The following KANSL1 variants were observed in gnomAD, a reference collection of about 807,000 sequenced individuals.
KANSL1 encodes the protein KAT8 regulatory NSL complex subunit 1, also known as MLL1/MLL complex subunit KANSL1.
KANSL1 carries 22 observed loss-of-function variants against 103.6 expected under a neutral mutation model. The ratio of observed to expected loss-of-function variants is 0.21; its 90% CI spans 0.15 to 0.30. KANSL1 has a LOEUF of 0.30. Among genes scored for constraint, KANSL1 ranks in the 10% least tolerant of loss-of-function variants. KANSL1 has a pLI of 1.00. For missense variants in KANSL1, 1,337 were observed against 1,399.8 expected, an observed-to-expected ratio of 0.96 and a Z score of 0.72; for synonymous variants, 600 against 527.6, an observed-to-expected ratio of 1.14 and a Z score of -1.88.
intron 3 of KANSL1, among the ~76,000 whole-genome samples, chr17:46,085,708 T>G (rs148136100): frequency 6.6e-6 from 1 of 152,274 alleles, no homozygotes; most frequent in African/African-American, 2.4e-5. Flanking sequence ...CTCAGGCTGG[T>G]CTCGAACTCT....
At position 46,211,067 on chromosome 17, in the gene KANSL1, C is replaced by T. The variant is rs148113666; in HGVS notation, c.-90+12604G>A. The stretch of plus-strand genomic sequence containing the variant: ...GATATGAGTGTTAAAAAATTACATG[C>T]GAGGAAATGGCAGGTATGTTACAGC... On this transcript the variant is annotated intron_variant, in intron 1 of 14. Transcript: ENST00000572904. 2.7e-4 allele frequency among the ~76,000 whole-genome samples: 41 copies of T among 151,740 alleles called. No individual in the cohort carries two copies. The East Asian group carries it at 7.2e-3, about 27-fold the overall frequency.
chr17:46,073,419 G>A (rs1047646165), intron 4 of KANSL1, among the ~76,000 whole-genome samples: 15 of 152,118 alleles, frequency 9.9e-5, no homozygotes, highest in South Asian at 6.2e-4. Context: ...CCTCCTTAAC[G>A]TCAAATCTAG....
upstream of KANSL1, chr17:46,193,679 A>G: frequency 3.3e-6 from 1 of 303,430 alleles, no homozygotes; most frequent in South Asian, 2.3e-5. Flanking sequence ...GCTGCCCCGG[A>G]CGTGCGGCGA....
chr17:46,180,693 AAAAC>A (rs550658454), intron 1 of KANSL1, among the ~76,000 whole-genome samples: 102 of 152,024 alleles, frequency 6.7e-4, no homozygotes, highest in African/African-American at 9.7e-4. Flanking sequence ...CTCAAAAACA[AAAAC>A]AAACAAACAA....
intron 2 of KANSL1, among the ~76,000 whole-genome samples, chr17:46,147,500 G>A (rs2044775470): frequency 6.7e-6 from 1 of 150,172 alleles, no homozygotes; most frequent in Admixed American, 6.7e-5. Context: ...CTTGAGACTA[G>A]GAGGCAGAGG....
At chr17:46,062,093 AAAAAAAAAAAAAAAAACAAACAAAC>A (rs1299038552) in intron 6 of KANSL1, among the ~76,000 whole-genome samples, 181 of 30,712 alleles carry the variant, frequency 5.9e-3, no homozygotes, top group Non-Finnish European at 0.01. Context: ...CTCCGACTCA[AAAAAAAAAAAAAAAAACAAACAAAC>A]AAAAAAAAAA....
intron 3 of KANSL1, among the ~76,000 whole-genome samples, chr17:46,088,849 A>G (rs2079265757): frequency 6.6e-6 from 1 of 152,234 alleles, no homozygotes; most frequent in Non-Finnish European, 1.5e-5. Context: ...TGATCTGGCC[A>G]TTGCACCTCA....
At chr17:46,130,634 T>C (rs901724709) in intron 2 of KANSL1, among the ~76,000 whole-genome samples, 11 of 152,212 alleles carry the variant, frequency 7.2e-5, no homozygotes, top group African/African-American at 9.7e-5. Flanking sequence ...AACCGAACAC[T>C]ACAATAGCAA....
In KANSL1 at chr17:46,050,586, T is replaced by C; in HGVS notation, c.1967A>G (p.Glu656Gly). 1 of 1,614,172 alleles carries C rather than the reference T, an allele frequency of 6.2e-7. No homozygotes were observed. The highest frequency in any genetic ancestry group is 8.5e-7 in the Non-Finnish European group (1 of 1,180,016). ...PEIHYEAPLLERLSQLDSCVH... is the reference protein window; with the variant it reads ...PEIHYEAPLLGRLSQLDSCVH... Reference sequence around the variant, plus strand: ...ACAAGAGTCCAACTGGGAAAGACGTTCCAACAGAGGGGCTTCATAGTGAAT... The same window carrying C: ...ACAAGAGTCCAACTGGGAAAGACGTCCCAACAGAGGGGCTTCATAGTGAAT... Residue 656 changes from glutamate (E) to glycine (G), a missense_variant, in exon 7 of 15, where the codon GAA (glutamate) becomes GGA (glycine). Around this residue, in one of 2 missense-constraint regions of KANSL1, gnomAD observed 780 missense variants for 923.4 expected, o/e 0.84. Transcript: ENST00000432791.
chr17:46,172,717 T>A lies in KANSL1; in HGVS notation c.-89-485A>T, dbSNP rs139034334. ...TTCTGGCCAGGGAATCCAGTTTTCATCAGCTTCTCACTTCTCTAGAAGTAT... is the reference window on the plus strand; with the variant it reads ...TTCTGGCCAGGGAATCCAGTTTTCAACAGCTTCTCACTTCTCTAGAAGTAT... On this transcript the variant is annotated intron_variant, in intron 1 of 14. Coordinates refer to ENST00000432791, the MANE Select transcript of KANSL1 (RefSeq NM_015443.4). Among the ~76,000 whole-genome samples, 628 of 152,354 alleles carry A rather than the reference T, an allele frequency of 4.1e-3. 3 individuals are homozygous for A. The highest frequency in any genetic ancestry group is 0.041 in the Middle Eastern group (12 of 294).
At chr17:46,224,163 A>G (rs1341774948), upstream of KANSL1, among the ~76,000 whole-genome samples, 1 of 152,276 alleles carries the variant, frequency 6.6e-6, no homozygotes, top group East Asian at 1.9e-4. Flanking sequence ...ATTTAATTAT[A>G]TTTAGTAAAG....
chr17:46,096,719 C>T (rs192128138), intron 2 of KANSL1, among the ~76,000 whole-genome samples: 17 of 151,178 alleles, frequency 1.1e-4, no homozygotes, highest in Non-Finnish European at 2.1e-4. Context: ...CCCGGGTTTA[C>T]GCCATTCTCC....
At chr17:46,174,309 CG>C (rs1403021008) in intron 1 of KANSL1, among the ~76,000 whole-genome samples, 8 of 152,024 alleles carry the variant, frequency 5.3e-5, no homozygotes, top group African/African-American at 1.9e-4. Flanking sequence ...CTCAGCCTCC[CG>C]TGTAGCTGGG....
At chr17:46,166,513 CAA>C (rs150251497) in intron 2 of KANSL1, among the ~76,000 whole-genome samples, 4 of 138,554 alleles carry the variant, frequency 2.9e-5, no homozygotes, top group African/African-American at 2.8e-5. Flanking sequence ...ATTCGGTCTC[CAA>C]AAAAAAAAAA....
At chr17:46,096,311 C>CTTTCTTTTTTTTTTTTTTTTTTTTTT (rs753073992) in intron 2 of KANSL1, among the ~76,000 whole-genome samples, 1 of 76,408 alleles carries the variant, frequency 1.3e-5, no homozygotes, top group East Asian at 4.8e-4. Flanking sequence ...GCTTTTTTTT[C>CTTTCTTTTTTTTTTTTTTTTTTTTTT]TTTTTTTTTT....
At chr17:46,210,496 A>G (rs75389139) in intron 1 of KANSL1, among the ~76,000 whole-genome samples, 9 of 14,484 alleles carry the variant, frequency 6.2e-4, no homozygotes, top group Non-Finnish European at 1.2e-3. Flanking sequence ...AAAAAAAAAA[A>G]AAAAAAGACC....
intron 2 of KANSL1, among the ~76,000 whole-genome samples, chr17:46,149,471 A>G (rs1258592295): frequency 1.3e-5 from 2 of 152,390 alleles, no homozygotes; most frequent in East Asian, 1.9e-4. Context: ...GCAAATATTT[A>G]GGCTTTGCAG....
In KANSL1 at chr17:46,170,999, C is replaced by T. The variant is rs369920825; in HGVS notation, c.1145G>A (p.Arg382Lys). The T allele has an allele frequency of 5.0e-6, 8 of 1,614,188 alleles. No homozygotes were observed. Among genetic ancestry groups the T allele is most frequent in the Non-Finnish European group, 6.8e-6 (8 of 1,180,050 alleles). Residue 382 changes from arginine (R) to lysine (K), a missense_variant, in exon 2 of 15, where the codon AGA becomes AAA. Physicochemically the swap from Arg to Lys is conservative, Grantham distance 26 (BLOSUM62 2). Coordinates refer to ENST00000432791, the MANE Select transcript of KANSL1 (RefSeq NM_015443.4). ...KSNSISEELE[R>K]FTASGIANLR... Reference sequence around the variant, plus strand: ...GTTGGCTATGCCACTAGCTGTAAATCTCTCCAATTCTTCTGAAATTGAATT... The same window carrying T: ...GTTGGCTATGCCACTAGCTGTAAATTTCTCCAATTCTTCTGAAATTGAATT...
rs2077687416 is a variant in KANSL1, at chr17:46,050,834, G to C, written c.1849-130C>G. ...ATTGCGAAGACCTTTCTAGATACTTGTGTGACACTACTAAAAGGATGTTTG... is the reference window on the plus strand; with the variant it reads ...ATTGCGAAGACCTTTCTAGATACTTCTGTGACACTACTAAAAGGATGTTTG... On this transcript the variant is annotated intron_variant, in intron 6 of 14. Coordinates refer to ENST00000432791, the MANE Select transcript of KANSL1 (RefSeq NM_015443.4). 3.0e-6 allele frequency: 2 copies of C among 662,872 alleles called. No individual in the cohort carries two copies. Among genetic ancestry groups the C allele is most frequent in the South Asian group, 2.2e-5 (1 of 46,502 alleles). 41.1% of individuals were successfully genotyped at this position (662,872 alleles called of 1,614,324 possible).
Sources: gnomAD v4.1 joint callset for allele counts (sites outside exome capture counted in the v4.1 genomes callset) on GRCh38, gnomAD v4.1.1 for gene constraint, gnomAD v4.1.1 regional missense constraint, MANE v1.5 for transcripts, NCBI Gene and HGNC (gene_info 2026-07-23, HGNC 2026-07-21) for gene names.